GPM6A: variants seen among roughly 807,000 people sequenced by gnomAD.
The protein encoded by GPM6A is glycoprotein M6A.
A neutral mutation model predicts 32.1 loss-of-function variants in GPM6A; 7 were observed. The observed-to-expected ratio is 0.22, with a 90% CI of 0.12 to 0.41. GPM6A has a LOEUF of 0.41. GPM6A is among the 10% of genes least tolerant of loss of function. The pLI is 1.00. For synonymous variants in GPM6A, 130 were observed against 123.4 expected (o/e 1.05, Z -0.35); for missense variants, 235 against 347.2 (o/e 0.68, Z 2.57).
At chr4:175,640,000 T>A in intron 6 of GPM6A, 129 bp downstream of exon 6, 1 of 795,184 alleles carries the variant, frequency 1.3e-6, no homozygotes, top group South Asian at 1.4e-5. Context: ...TTTTCCCTAC[T>A]TTTTTTAATC....
chr4:175,866,283 A>T (rs1422275203), intron 1 of GPM6A, among the ~76,000 whole-genome samples: 1 of 152,076 alleles, frequency 6.6e-6, no homozygotes, highest in Admixed American at 6.6e-5. Flanking sequence ...AACACATCAT[A>T]ATCATCCAAA....
chr4:175,804,768 G>A (rs116778132), intron 1 of GPM6A, among the ~76,000 whole-genome samples: 4,644 of 152,156 alleles, frequency 0.031, 165 homozygotes, highest in East Asian at 0.14. Flanking sequence ...AAAGTGGGCC[G>A]GGCTCGGTGG....
chr4:175,856,811 G>A (rs35419248), intron 1 of GPM6A, among the ~76,000 whole-genome samples: 47,119 of 151,946 alleles, frequency 0.31, 7,570 homozygotes, highest in Middle Eastern at 0.41. Flanking sequence ...CTGCTGTACC[G>A]CTCTGCTCCT....
intron 1 of GPM6A, among the ~76,000 whole-genome samples, chr4:175,721,702 G>C (rs1005552229): frequency 1.3e-5 from 2 of 152,066 alleles, no homozygotes; most frequent in Non-Finnish European, 2.9e-5. Flanking sequence ...CTGTATTCTC[G>C]ATGAAAAACT....
chr4:175,660,109 A>T (rs973742362), intron 3 of GPM6A, among the ~76,000 whole-genome samples: 10 of 152,138 alleles, frequency 6.6e-5, no homozygotes, highest in African/African-American at 2.2e-4. Context: ...AATTAAAAAA[A>T]AGTATATAGG....
chr4:175,682,407 G>A (rs906269555), intron 2 of GPM6A, among the ~76,000 whole-genome samples: 20 of 152,256 alleles, frequency 1.3e-4, no homozygotes, highest in African/African-American at 4.6e-4. Flanking sequence ...GTTTTCTGGA[G>A]AGGAATTCCA....
At chr4:175,783,295 AT>A (rs557781219) in intron 1 of GPM6A, among the ~76,000 whole-genome samples, 144 of 151,984 alleles carry the variant, frequency 9.5e-4, no homozygotes, top group Admixed American at 7.7e-3. Flanking sequence ...TTTGCCAATA[AT>A]TTTTTTAAAA....
intron 1 of GPM6A, among the ~76,000 whole-genome samples, chr4:175,790,943 T>G (rs1579504380): frequency 6.6e-6 from 1 of 152,202 alleles, no homozygotes; most frequent in African/African-American, 2.4e-5. Flanking sequence ...CTTGGGTATT[T>G]ACTATATTTA....
At chr4:175,878,546 CTTGGCCTCT>C (rs1289467867) in intron 1 of GPM6A, among the ~76,000 whole-genome samples, 3 of 152,152 alleles carry the variant, frequency 2.0e-5, no homozygotes, top group Non-Finnish European at 2.9e-5. Flanking sequence ...TGAGTGGTAT[CTTGGCCTCT>C]TTTAGCCACA....
chr4:175,794,959 T>C (rs1311037357), intron 1 of GPM6A, among the ~76,000 whole-genome samples: 1 of 152,222 alleles, frequency 6.6e-6, no homozygotes, highest in Non-Finnish European at 1.5e-5. Flanking sequence ...GAGAAATTAT[T>C]CTAATTAAAG....
intron 1 of GPM6A, among the ~76,000 whole-genome samples, chr4:175,934,233 A>G (rs1182433451): frequency 6.6e-6 from 1 of 152,180 alleles, no homozygotes; most frequent in Non-Finnish European, 1.5e-5. Context: ...TTTCCTCCTT[A>G]AAGTCGACTA....
At chr4:175,671,711 G>A (rs969946067) in intron 3 of GPM6A, among the ~76,000 whole-genome samples, 5 of 152,112 alleles carry the variant, frequency 3.3e-5, no homozygotes, top group Non-Finnish European at 7.4e-5. Flanking sequence ...CGTGGAGCTA[G>A]CCCCCTTCGT....
At chr4:175,720,056 T>G (rs1746033959) in intron 1 of GPM6A, among the ~76,000 whole-genome samples, 1 of 152,220 alleles carries the variant, frequency 6.6e-6, no homozygotes, top group Admixed American at 6.5e-5. Context: ...TGTTTTTTCT[T>G]ACAGCAAATT....
intron 3 of GPM6A, among the ~76,000 whole-genome samples, chr4:175,672,181 A>G (rs1743116951): frequency 6.6e-6 from 1 of 152,154 alleles, no homozygotes; most frequent in Non-Finnish European, 1.5e-5. Flanking sequence ...AAATAACACA[A>G]TTGACTGCAC....
chr4:175,698,257 T>C (rs1310362598), intron 2 of GPM6A, among the ~76,000 whole-genome samples: 1 of 152,190 alleles, frequency 6.6e-6, no homozygotes, highest in Non-Finnish European at 1.5e-5. Flanking sequence ...GTATATAATG[T>C]AGGAGTGATG....
intron 1 of GPM6A, among the ~76,000 whole-genome samples, chr4:175,832,130 C>CTTCG (rs1735635770): frequency 6.6e-6 from 1 of 151,960 alleles, no homozygotes; most frequent in African/African-American, 2.4e-5. Flanking sequence ...CTCCCTGGCT[C>CTTCG]TTTGGTTCTT....
rs796610121 is a variant in GPM6A, at chr4:175,637,404, G to A, written c.685-2347C>T. 1.5e-3 allele frequency among the ~76,000 whole-genome samples: 107 copies of A among 69,704 alleles called. 1 individual carries two copies. The East Asian group carries it at 0.037, about 24-fold the overall frequency. The allele number at this position is 69,704 out of a possible 152,430, so 45.7% of individuals were successfully genotyped here. ...ATATAATATATAATAATATAATATA[G>A]TATATATATAAAAATGTATAATTAT... On this transcript the variant is annotated intron_variant, in intron 6 of 6. Transcript: ENST00000393658.
chr4:175,796,281 T>C (rs1341137832), intron 1 of GPM6A, among the ~76,000 whole-genome samples: 1 of 152,152 alleles, frequency 6.6e-6, no homozygotes, highest in African/African-American at 2.4e-5. Flanking sequence ...TGGAAGTAAA[T>C]GGCTTTTAGC....
chr4:175,688,547 T>C lies in GPM6A; in HGVS notation c.230+13028A>G, dbSNP rs142183955. Among the ~76,000 whole-genome samples, 353 of 152,334 alleles carry C rather than the reference T, an allele frequency of 2.3e-3. 1 individual carries two copies. The highest frequency in any genetic ancestry group is 8.2e-3 in the African/African-American group (342 of 41,580). ...TTGTCTACTGTGCTATGGTGGTTTA[T>C]GTGTCTGTCTTTATGTCAATACCAG... On this transcript the variant is annotated intron_variant, in intron 2 of 6. Transcript: ENST00000393658.
Sources: gnomAD v4.1 joint callset for allele counts (sites outside exome capture counted in the v4.1 genomes callset) on GRCh38, gnomAD v4.1.1 for gene constraint, MANE v1.5 for transcripts, NCBI Gene and HGNC (gene_info 2026-07-23, HGNC 2026-07-21) for gene names.